RNASEH2B: variants seen among roughly 807,000 people sequenced by gnomAD.
The protein encoded by RNASEH2B is ribonuclease H2 subunit B, also known as Aicardi-Goutieres syndrome 2 protein.
Under a neutral mutation model 45.0 loss-of-function variants are expected in RNASEH2B, and 36 were observed. The observed-to-expected ratio is 0.80, with a 90% CI of 0.61 to 1.06. The LOEUF is 1.06. RNASEH2B is among the 50% of genes least tolerant of loss of function. RNASEH2B has a pLI of 0.00. For synonymous variants in RNASEH2B, 119 were observed against 125.7 expected, an observed-to-expected ratio of 0.95 and a Z score of 0.35; for missense variants, 361 against 360.3, an observed-to-expected ratio of 1.00 and a Z score of -0.02.
chr13:50,954,035 G>T, intron 10 of RNASEH2B, 50 bp downstream of exon 10: 1 of 1,106,396 alleles, frequency 9.0e-7, no homozygotes, highest in Non-Finnish European at 1.4e-6. Flanking sequence ...AGTGCGTGAT[G>T]TGCATGAATA....
intron 5 of RNASEH2B, chr13:50,941,016 C>T (rs1000630536): frequency 3.9e-5 from 6 of 152,014 alleles, no homozygotes; most frequent in Non-Finnish European, 8.8e-5. Flanking sequence ...AGCCAGTCTT[C>T]GAAGATGGGG....
chr13:50,931,427 A>G (rs1951679752), intron 4 of RNASEH2B, among the ~76,000 whole-genome samples: 1 of 152,230 alleles, frequency 6.6e-6, no homozygotes, highest in African/African-American at 2.4e-5. Context: ...TTATTTATTT[A>G]AAAGTTAAAA....
chr13:50,960,291 G>T (rs1267244877), downstream of RNASEH2B: 2 of 367,916 alleles, frequency 5.4e-6, no homozygotes, highest in East Asian at 8.1e-5. Context: ...ATGTAATTTA[G>T]TTTTTAAAAA....
chr13:50,913,840 C>T (rs749308659), intron 1 of RNASEH2B, among the ~76,000 whole-genome samples: 1 of 151,998 alleles, frequency 6.6e-6, no homozygotes, highest in Non-Finnish European at 1.5e-5. Context: ...TGTGAGGCAT[C>T]GTGATAATCA....
At chr13:50,970,367 C>T in exon 10 of RNASEH2B, 1 of 412,840 alleles carries the variant, frequency 2.4e-6, no homozygotes, top group South Asian at 5.5e-5. Flanking sequence ...CTGCTTTACT[C>T]CATATCAATT....
chr13:50,953,616 C>T (rs1593479679), intron 9 of RNASEH2B: 1 of 468,856 alleles, frequency 2.1e-6, no homozygotes, highest in Non-Finnish European at 3.9e-6. Flanking sequence ...GCCCACCACA[C>T]CTGGCACCTA....
intron 1 of RNASEH2B, among the ~76,000 whole-genome samples, chr13:50,924,431 A>T (rs932216387): frequency 2.6e-5 from 4 of 152,244 alleles, no homozygotes; most frequent in African/African-American, 9.6e-5. Flanking sequence ...GATAAAAATT[A>T]TTACTAGACA....
At chr13:50,943,519 T>C (rs1951859607) in intron 6 of RNASEH2B, 125 bp downstream of exon 6, 2 of 734,660 alleles carry the variant, frequency 2.7e-6, no homozygotes, top group African/African-American at 1.8e-5. Flanking sequence ...AGGAAAATTG[T>C]GTAGAGATAC....
At chr13:50,937,889 G>A (rs1350158424) in intron 5 of RNASEH2B, 1 of 152,212 alleles carries the variant, frequency 6.6e-6, no homozygotes, top group Non-Finnish European at 1.5e-5. Flanking sequence ...GGATACAAGA[G>A]AAGGATGCCT....
intron 5 of RNASEH2B, chr13:50,936,315 A>G (rs1261751927): frequency 6.6e-6 from 1 of 152,214 alleles, no homozygotes; most frequent in Non-Finnish European, 1.5e-5. Flanking sequence ...CATCAGGCTG[A>G]TAAGTTGTGG....
At chr13:50,967,792 C>A (rs1025093795) in intron 9 of RNASEH2B, among the ~76,000 whole-genome samples, 1 of 152,174 alleles carries the variant, frequency 6.6e-6, no homozygotes, top group Non-Finnish European at 1.5e-5. Context: ...TATTTTCTCC[C>A]AAACACCCCT....
At chr13:50,915,048 G>A (rs1406091062) in intron 1 of RNASEH2B, among the ~76,000 whole-genome samples, 2 of 152,182 alleles carry the variant, frequency 1.3e-5, no homozygotes, top group African/African-American at 2.4e-5. Flanking sequence ...TCTCCACAGT[G>A]GGGAGAAGAG....
Position 50,930,779 on chromosome 13 carries a change from C to T in RNASEH2B, c.321+20C>T, listed in dbSNP as rs757362657. ...AAGGAGGTGAGTTTCCAGCTCGGAG[C>T]ATCCACAGTGAGGAAACAGAATCAA... On this transcript the variant is annotated intron_variant, in intron 4 of 10. Transcript: ENST00000336617. 1.0e-5 allele frequency: 16 copies of T among 1,565,838 alleles called. No individual in the cohort carries two copies. The East Asian group carries it at 3.4e-4, about 33-fold the overall frequency.
intron 1 of RNASEH2B, among the ~76,000 whole-genome samples, chr13:50,913,720 A>G (rs1879567414): frequency 6.6e-6 from 1 of 152,176 alleles, no homozygotes; most frequent in Non-Finnish European, 1.5e-5. Flanking sequence ...TGCACTTATT[A>G]TTTATTTCTC....
intron 1 of RNASEH2B, chr13:50,911,460 C>T (rs542966974): frequency 6.6e-6 from 1 of 152,326 alleles, no homozygotes; most frequent in African/African-American, 2.4e-5. Context: ...CAGAGCATTC[C>T]TTTAGGCGGC....
chr13:50,913,152 G>A (rs563937406), intron 1 of RNASEH2B: 1 of 152,234 alleles, frequency 6.6e-6, no homozygotes, highest in South Asian at 2.1e-4. Context: ...CTTTTAGTTT[G>A]GGATGGTCTT....
At chr13:50,935,243 C>T (rs933137371) in intron 5 of RNASEH2B, 4 of 511,236 alleles carry the variant, frequency 7.8e-6, no homozygotes, top group East Asian at 3.4e-5. Flanking sequence ...GGTGTGGCTT[C>T]AGTCTCACTT....
rs115223292 is a variant in RNASEH2B at position 50,924,699 on chromosome 13, C to T, written c.65-2708C>T. On this transcript the variant is annotated intron_variant, in intron 1 of 10. Transcript: ENST00000336617. ...TTAGCCTCCCGAGTAGCTGGGACTA[C>T]GGGCACATGCCACCACATGTGTATT... 3.6e-3 allele frequency among the ~76,000 whole-genome samples: 548 copies of T among 152,116 alleles called. 5 individuals are homozygous for T. The highest frequency in any genetic ancestry group is 0.013 in the African/African-American group (523 of 41,488).
In RNASEH2B at chr13:50,909,902, C is replaced by A. The variant is rs1314116934; in HGVS notation, c.-175C>A. ...AAATTTAAAAACGTAACACGAGCAG[C>A]AGGCTGGTCTCGGAAACGAAACGAA... On this transcript the variant is annotated 5_prime_UTR_variant, in exon 1 of 11. Transcript: ENST00000336617. 2 of 494,058 alleles carry A rather than the reference C, an allele frequency of 4.0e-6. No individual in the cohort carries two copies. Among genetic ancestry groups the A allele is most frequent in the Non-Finnish European group, 7.1e-6 (2 of 283,114 alleles). The allele number at this position is 494,058 out of a possible 1,614,324, so 30.6% of individuals were successfully genotyped here. A position where few individuals can be genotyped will look rare whatever the true frequency, so the allele number is the denominator to read the frequency against.
Sources: gnomAD v4.1 joint callset for allele counts (sites outside exome capture counted in the v4.1 genomes callset) on GRCh38, gnomAD v4.1.1 for gene constraint, MANE v1.5 for transcripts, NCBI Gene and HGNC (gene_info 2026-07-23, HGNC 2026-07-21) for gene names.